The following LIN54 variants were observed in gnomAD, a reference collection of about 807,000 sequenced individuals.
The protein encoded by LIN54 is lin-54 DREAM MuvB core complex component, also known as protein lin-54 homolog.
A neutral mutation model predicts 78.7 loss-of-function variants in LIN54; 9 were observed. The observed-to-expected ratio is 0.11, with a 90% confidence interval of 0.07 to 0.20. The LOEUF (loss-of-function observed/expected upper bound fraction) is 0.20. Ranked by LOEUF, LIN54 falls within the 10% of genes least tolerant of loss-of-function variation. The probability of loss-of-function intolerance (pLI) is 1.00; values close to 1 mark genes in which losing one functional copy is unlikely to be tolerated. For missense variants in LIN54, 573 were observed against 889.9 expected, an observed-to-expected ratio of 0.64 and a Z score of 4.53; for synonymous variants, 269 against 318.4, an observed-to-expected ratio of 0.84 and a Z score of 1.65.
At position 82,970,482 on chromosome 4, in the gene LIN54, G is replaced by C. The variant is rs1477722437; in HGVS notation, c.809-13C>G. 3.1e-6 allele frequency: 5 copies of C among 1,598,318 alleles called. No homozygotes were observed. In the South Asian group the frequency reaches 5.7e-5, roughly 18 times the overall value. ...GAAAGAACCCTACCTGCAAATGAGA[G>C]GCAGCACATCAGTTTGACTTTTTTC... On this transcript the variant is annotated splice_polypyrimidine_tract_variant and intron_variant, in intron 3 of 12. Coordinates refer to ENST00000340417, the MANE Select transcript of LIN54 (RefSeq NM_194282.4).
At chr4:82,940,335 A>C (rs554180611) in intron 5 of LIN54, among the ~76,000 whole-genome samples, 96 of 152,350 alleles carry the variant, frequency 6.3e-4, no homozygotes, top group Non-Finnish European at 8.8e-4. Flanking sequence ...ACAGCACTCT[A>C]TACTACTATT....
At chr4:82,941,683 C>G (rs967670751) in intron 5 of LIN54, among the ~76,000 whole-genome samples, 2 of 152,092 alleles carry the variant, frequency 1.3e-5, no homozygotes, top group African/African-American at 4.8e-5. Context: ...AAAGAGAGAG[C>G]AGATGCAAGA....
intron 1 of LIN54, among the ~76,000 whole-genome samples, chr4:82,997,421 T>C (rs935644332): frequency 6.6e-6 from 1 of 152,118 alleles, no homozygotes; most frequent in African/African-American, 2.4e-5. Flanking sequence ...TACAAGGTTC[T>C]ATTAGTTTCT....
At chr4:83,012,151 T>C (rs930259094), upstream of LIN54, 1 of 486,852 alleles carries the variant, frequency 2.1e-6, no homozygotes, top group Non-Finnish European at 2.7e-6. Flanking sequence ...TCTCAATTAC[T>C]TCATCTTTAA....
intron 7 of LIN54, among the ~76,000 whole-genome samples, 197 bp downstream of exon 7, chr4:82,939,342 C>G (rs1280037310): frequency 2.0e-5 from 3 of 152,184 alleles, no homozygotes; most frequent in African/African-American, 7.2e-5. Context: ...ACTTGTATAT[C>G]TGACCTGTGT....
chr4:82,929,362 T>A (rs2126025405), intron 12 of LIN54, among the ~76,000 whole-genome samples: 1 of 152,320 alleles, frequency 6.6e-6, no homozygotes, highest in South Asian at 2.1e-4. Flanking sequence ...TGTAGCAGTA[T>A]CTTTAATCTC....
At chr4:82,936,459 A>G (rs866138857) in intron 9 of LIN54, 78 bp from the exon 10 acceptor site, 2 of 725,448 alleles carry the variant, frequency 2.8e-6, no homozygotes, top group Admixed American at 2.7e-5. Context: ...TACATTGTAT[A>G]TATATTGTAC....
At chr4:82,950,563 A>G (rs1425910660) in intron 4 of LIN54, among the ~76,000 whole-genome samples, 1 of 152,252 alleles carries the variant, frequency 6.6e-6, no homozygotes, top group Non-Finnish European at 1.5e-5. Context: ...GTTCACGTGC[A>G]TTCAGTAAAA....
At chr4:83,003,036 T>C (rs925339268) in intron 1 of LIN54, among the ~76,000 whole-genome samples, 3 of 152,128 alleles carry the variant, frequency 2.0e-5, no homozygotes, top group African/African-American at 7.2e-5. Context: ...GAGTGTGAGA[T>C]GGAGTCTTGC....
rs1721613907 is a variant in LIN54 at position 82,927,907 on chromosome 4, T to C, written c.*195A>G. The stretch of plus-strand genomic sequence containing the variant: ...AGAAAAATTCAATTTAGAAGGGGCA[T>C]AAGCAGATTTAACTAAGATTTAAAA... On this transcript the variant is annotated 3_prime_UTR_variant, in exon 13 of 13. Transcript: ENST00000340417. 5.4e-6 allele frequency: 3 copies of C among 559,218 alleles called. No individual in the cohort carries two copies. Among genetic ancestry groups the C allele is most frequent in the Non-Finnish European group, 6.3e-6 (2 of 315,998 alleles). The allele number at this position is 559,218 out of a possible 1,614,324, so 34.6% of individuals were successfully genotyped here.
chr4:82,976,963 T>A (rs1180294503), intron 3 of LIN54, among the ~76,000 whole-genome samples: 3 of 152,122 alleles, frequency 2.0e-5, no homozygotes, highest in Non-Finnish European at 4.4e-5. Context: ...GGCTATTAAG[T>A]CCATGCACAA....
chr4:82,947,222 TATATATATA>T lies in LIN54; in HGVS notation c.952-757_952-749del, dbSNP rs1484199059. 3.4e-3 allele frequency among the ~76,000 whole-genome samples: 58 copies of T among 17,032 alleles called. 1 individual carries two copies. The highest frequency in any genetic ancestry group is 0.01 in the African/African-American group (57 of 5,600). 11.2% of individuals were successfully genotyped at this position (17,032 alleles called of 152,430 possible). On this transcript the variant is annotated intron_variant, in intron 4 of 12. Coordinates refer to ENST00000340417, the MANE Select transcript of LIN54 (RefSeq NM_194282.4). ...AAAAAAAAATTTATATATATATATATATATATATATATATTTTTTTTTTTTTTGAAGACA... is the reference window on the plus strand; with the variant it reads ...AAAAAAAAATTTATATATATATATATTATATTTTTTTTTTTTTTGAAGACA...
At chr4:82,961,251 G>A (rs1310496106) in intron 4 of LIN54, among the ~76,000 whole-genome samples, 4 of 152,164 alleles carry the variant, frequency 2.6e-5, no homozygotes, top group African/African-American at 9.7e-5. Flanking sequence ...ATATGATAAT[G>A]CAACTACAGC....
At chr4:83,012,246 T>A (rs1193445507), upstream of LIN54, among the ~76,000 whole-genome samples, 3 of 151,996 alleles carry the variant, frequency 2.0e-5, no homozygotes, top group Non-Finnish European at 4.4e-5. Flanking sequence ...CCCGGCCCGC[T>A]CCCTTCCCCC....
In LIN54 at chr4:82,984,166, CTGTTTT is replaced by C. The variant is rs1392318791; in HGVS notation, c.673_678del (p.Lys225_Thr226del). The C allele has an allele frequency of 1.9e-6, 3 of 1,595,678 alleles. No homozygotes were observed. The highest frequency in any genetic ancestry group is 2.6e-6 in the Non-Finnish European group (3 of 1,172,740). ...AGCCCCCTTTTTTCTTTTACCTGTA[CTGTTTT>C]TAACTGTTGGGTCTGTAACACAGAG... On this transcript the variant is annotated inframe_deletion, in exon 2 of 13. Transcript: ENST00000340417.
intron 5 of LIN54, among the ~76,000 whole-genome samples, chr4:82,945,752 C>T (rs1723303287): frequency 6.6e-6 from 1 of 152,148 alleles, no homozygotes; most frequent in Non-Finnish European, 1.5e-5. Flanking sequence ...CCTCAGCCTC[C>T]CAAAGTGCTG....
At chr4:83,008,294 T>C (rs1729566784) in intron 1 of LIN54, among the ~76,000 whole-genome samples, 1 of 152,200 alleles carries the variant, frequency 6.6e-6, no homozygotes, top group South Asian at 2.1e-4. Flanking sequence ...GAGGTTATTT[T>C]ATCCACTATC....
intron 1 of LIN54, among the ~76,000 whole-genome samples, chr4:83,004,956 G>A (rs1415103777): frequency 4.6e-5 from 7 of 152,122 alleles, no homozygotes; most frequent in East Asian, 3.9e-4. Context: ...GTGCAGTGGC[G>A]CGATCTCAGC....
In LIN54 at chr4:83,010,647, C is replaced by G. The variant is rs1350009183; in HGVS notation, c.-196G>C. 4.1e-6 allele frequency: 5 copies of G among 1,231,172 alleles called. No individual in the cohort carries two copies. Among genetic ancestry groups the G allele is most frequent in the Non-Finnish European group, 4.1e-6 (4 of 987,466 alleles). 76.3% of individuals were successfully genotyped at this position (1,231,172 alleles called of 1,614,324 possible). On this transcript the variant is annotated 5_prime_UTR_variant, in exon 1 of 13. Transcript: ENST00000340417. The stretch of plus-strand genomic sequence containing the variant: ...CCAAACTGGAGCGCTCCAGGGTACC[C>G]GGGGACCGAGAAGGGAGCCGGGGTG...
Sources: gnomAD v4.1 joint callset for allele counts (sites outside exome capture counted in the v4.1 genomes callset) on GRCh38, gnomAD v4.1.1 for gene constraint, MANE v1.5 for transcripts, NCBI Gene and HGNC (gene_info 2026-07-23, HGNC 2026-07-21) for gene names.